Variants in BACE2 observed in about 807,000 individuals in gnomAD.
The protein encoded by BACE2 is beta-secretase 2, also known as 56 kDa aspartic-like protease.
In BACE2, 17 loss-of-function variants were observed where a neutral mutation model predicts 46.2. That is an observed-to-expected ratio of 0.37 (90% CI 0.25 to 0.55). The LOEUF is 0.55. Among genes scored for constraint, BACE2 ranks in the 20% least tolerant of loss-of-function variants. BACE2 has a pLI of 0.82. For synonymous variants in BACE2, 277 were observed against 295.9 expected, an observed-to-expected ratio of 0.94 and a Z score of 0.66; for missense variants, 595 against 698.1, an observed-to-expected ratio of 0.85 and a Z score of 1.66.
At chr21:41,256,582 A>G (rs981587583) in intron 7 of BACE2, among the ~76,000 whole-genome samples, 2 of 152,132 alleles carry the variant, frequency 1.3e-5, no homozygotes, top group Admixed American at 1.3e-4. Context: ...TTTCCTTTCC[A>G]TTGATCCCAG....
chr21:41,255,264 G>A (rs1157587857), intron 7 of BACE2, among the ~76,000 whole-genome samples: 2 of 152,190 alleles, frequency 1.3e-5, no homozygotes, highest in African/African-American at 4.8e-5. Context: ...GCCCAGGTCT[G>A]GGCTGGAGAG....
chr21:41,268,838 A>T (rs2088404877), intron 8 of BACE2, among the ~76,000 whole-genome samples: 1 of 152,218 alleles, frequency 6.6e-6, no homozygotes, highest in Non-Finnish European at 1.5e-5. Context: ...CACACAGCAC[A>T]TATGAAAAAA....
chr21:41,236,247 C>T (rs1987114484), intron 2 of BACE2, among the ~76,000 whole-genome samples: 2 of 152,190 alleles, frequency 1.3e-5, no homozygotes, highest in Non-Finnish European at 2.9e-5. Flanking sequence ...CCTCTCTCCA[C>T]AGTGCTCTAC....
Position 41,179,735 on chromosome 21 carries a change from C to T in BACE2, c.312+11160C>T, listed in dbSNP as rs1985037224. 3.3e-5 allele frequency: 36 copies of T among 1,104,546 alleles called. 1 individual carries two copies. The South Asian group carries it at 4.4e-4, about 14-fold the overall frequency. The allele number at this position is 1,104,546 out of a possible 1,614,324, so 68.4% of individuals were successfully genotyped here. On this transcript the variant is annotated intron_variant, in intron 1 of 8. Coordinates refer to ENST00000330333, the MANE Select transcript of BACE2 (RefSeq NM_012105.5). The stretch of plus-strand genomic sequence containing the variant: ...CTTACAGGCAATTAAAAAGGAGAAT[C>T]AAGCTGAGGGTGCCTGGTGTGGGGT...
chr21:41,213,682 G>C (rs1185458073), intron 1 of BACE2, among the ~76,000 whole-genome samples: 1 of 152,084 alleles, frequency 6.6e-6, no homozygotes, highest in African/African-American at 2.4e-5. Flanking sequence ...GCTGAGGCAG[G>C]AGAGTCGCTT....
At chr21:41,178,891 G>A (rs1984961820) in intron 1 of BACE2, 1 of 299,220 alleles carries the variant, frequency 3.3e-6, no homozygotes, top group South Asian at 3.8e-5. Flanking sequence ...GAGGAGTGCT[G>A]TGAGACAGTG....
chr21:41,203,387 G>A (rs1006190713), intron 1 of BACE2, among the ~76,000 whole-genome samples: 6 of 152,120 alleles, frequency 3.9e-5, no homozygotes, highest in Admixed American at 6.6e-5. Flanking sequence ...GAGCCAGTAC[G>A]ACGGCCTTGA....
chr21:41,217,588 C>T (rs1053187316), intron 1 of BACE2, among the ~76,000 whole-genome samples: 1 of 152,220 alleles, frequency 6.6e-6, no homozygotes, highest in African/African-American at 2.4e-5. Context: ...GGCGAGGTAT[C>T]TGCTGGTTGA....
At chr21:41,179,491 G>C (rs1440262720) in intron 1 of BACE2, 2 of 1,347,958 alleles carry the variant, frequency 1.5e-6, no homozygotes, top group African/African-American at 3.1e-5. Flanking sequence ...TCCAGGGTGA[G>C]GAGTGACGGT....
chr21:41,168,321 G>T lies in BACE2; in HGVS notation c.58G>T (p.Ala20Ser). The change falls in exon 1 of 9, where the codon GCC becomes TCC. Residue 20 changes from alanine to serine, a missense_variant. This residue lies in a region of BACE2 where 248 missense variants were observed against 261.4 expected (regional missense o/e 0.95). Transcript: ENST00000330333. ...LPLLAQWLLR[A>S]APELAPAPFT... ...TCTGCTGGCCCAGTGGCTCCTGCGC[G>T]CCGCCCCGGAGCTGGCCCCCGCGCC... The T allele has an allele frequency of 7.5e-7, 1 of 1,336,976 alleles. No homozygotes were observed. Among genetic ancestry groups the T allele is most frequent in the Non-Finnish European group, 9.6e-7 (1 of 1,043,452 alleles). The allele number at this position is 1,336,976 out of a possible 1,614,324, so 82.8% of individuals were successfully genotyped here.
At chr21:41,253,424 AG>A (rs1568888019) in intron 7 of BACE2, among the ~76,000 whole-genome samples, 1 of 143,178 alleles carries the variant, frequency 7.0e-6, no homozygotes, top group Non-Finnish European at 1.5e-5. Flanking sequence ...CCTGGACGAC[AG>A]TGTGAGACTC....
chr21:41,246,189 T>A, intron 6 of BACE2, 126 bp downstream of exon 6: 1 of 540,768 alleles, frequency 1.8e-6, no homozygotes, highest in Non-Finnish European at 3.2e-6. Flanking sequence ...TCATATTGTG[T>A]ATTTGTATAT....
At chr21:41,190,866 C>T (rs1273323524) in intron 1 of BACE2, among the ~76,000 whole-genome samples, 1 of 152,164 alleles carries the variant, frequency 6.6e-6, no homozygotes, top group Non-Finnish European at 1.5e-5. Context: ...CTGTAACTCC[C>T]ATCTTAGCCT....
intron 7 of BACE2, among the ~76,000 whole-genome samples, chr21:41,256,898 C>T (rs1011526510): frequency 4.6e-5 from 7 of 152,144 alleles, no homozygotes; most frequent in Admixed American, 6.5e-5. Flanking sequence ...GTTGGACAGA[C>T]GTCTTCTGGG....
At chr21:41,235,155 C>T (rs1442632676) in intron 2 of BACE2, among the ~76,000 whole-genome samples, 2 of 152,178 alleles carry the variant, frequency 1.3e-5, no homozygotes, top group Admixed American at 1.3e-4. Flanking sequence ...GGAGTCCTCC[C>T]ACCTCCAATC....
intron 3 of BACE2, 134 bp from the exon 4 acceptor site, chr21:41,241,685 T>TGG (rs989817310): frequency 1.0e-6 from 1 of 983,130 alleles, no homozygotes; most frequent in Non-Finnish European, 1.5e-6. Flanking sequence ...AATCACAAGC[T>TGG]GGTGTACTGT....
At chr21:41,236,018 T>C (rs541860251) in intron 2 of BACE2, among the ~76,000 whole-genome samples, 1 of 152,368 alleles carries the variant, frequency 6.6e-6, no homozygotes, top group Admixed American at 6.5e-5. Flanking sequence ...AAATCAAGCC[T>C]GCAGGTGAGC....
intron 2 of BACE2, among the ~76,000 whole-genome samples, 198 bp from the exon 3 acceptor site, chr21:41,237,315 G>A (rs1290564773): frequency 2.6e-5 from 4 of 152,134 alleles, no homozygotes; most frequent in African/African-American, 7.2e-5. Flanking sequence ...GCGTGGTGAT[G>A]TGTGCCTGTA....
intron 8 of BACE2, among the ~76,000 whole-genome samples, chr21:41,271,396 A>C (rs765290279): frequency 5.3e-5 from 8 of 152,208 alleles, no homozygotes; most frequent in Non-Finnish European, 1.2e-4. Flanking sequence ...AATCAGAAAG[A>C]AGCTAACCTA....
Sources: allele counts gnomAD v4.1 joint callset (sites outside exome capture counted in the v4.1 genomes callset), GRCh38; gene constraint gnomAD v4.1.1; regional missense constraint gnomAD v4.1.1; transcripts MANE v1.5; gene names NCBI Gene and HGNC (gene_info 2026-07-23, HGNC 2026-07-21).